HPRT1: variants seen among roughly 807,000 people sequenced by gnomAD.
HPRT1 encodes the protein hypoxanthine-guanine phosphoribosyltransferase.
In HPRT1, 4 loss-of-function variants were observed where a neutral mutation model predicts 19.0. That is an observed-to-expected ratio of 0.21 (90% CI 0.10 to 0.48). HPRT1 has a LOEUF of 0.48. Among genes scored for constraint, HPRT1 ranks in the 20% least tolerant of loss-of-function variants. The pLI, the probability that HPRT1 is intolerant of heterozygous loss-of-function variation, is 0.98. For synonymous variants in HPRT1, 53 were observed against 54.9 expected (o/e 0.97, Z 0.15); for missense variants, 65 against 164.0 (o/e 0.40, Z 3.30).
chrX:134,473,344 A>T lies in HPRT1; in HGVS notation c.28-15A>T. 3 of 939,298 alleles carry T rather than the reference A, an allele frequency of 3.2e-6. No homozygotes were observed. Among genetic ancestry groups the T allele is most frequent in the Non-Finnish European group, 4.6e-6 (3 of 646,960 alleles). The allele number at this position is 939,298 out of a possible 1,213,427, so 77.4% of individuals were successfully genotyped here. A position where few individuals can be genotyped will look rare whatever the true frequency, so the allele number is the denominator to read the frequency against. On this transcript the variant is annotated splice_polypyrimidine_tract_variant and intron_variant, in intron 1 of 8. Transcript: ENST00000298556. Reference sequence around the variant, plus strand: ...CTGTAATGCTCTCATTGAAACAGCTATATTTCTTTTTCAGATTAGTGATGA... The same window carrying T: ...CTGTAATGCTCTCATTGAAACAGCTTTATTTCTTTTTCAGATTAGTGATGA...
At chrX:134,478,752 G>A (rs977744372) in intron 3 of HPRT1, among the ~76,000 whole-genome samples, 6 of 111,831 alleles carry the variant, frequency 5.4e-5, no homozygotes, top group Admixed American at 2.9e-4. Flanking sequence ...ACACATATGC[G>A]TACTCTTAAT....
chrX:134,477,935 A>G (rs981845626), intron 3 of HPRT1, among the ~76,000 whole-genome samples: 17 of 111,760 alleles, frequency 1.5e-4, no homozygotes, highest in Admixed American at 5.7e-4. Flanking sequence ...CTCAGCCTCT[A>G]AAATTGCTGG....
intron 5 of HPRT1, among the ~76,000 whole-genome samples, chrX:134,492,024 TATATATATATACACACACACACAC>T (rs925615179): frequency 1.0e-5 from 1 of 98,298 alleles, no homozygotes; most frequent in Non-Finnish European, 2.0e-5. Context: ...TATATATACA[TATATATATATACACACACACACAC>T]ATATATATAT....
At chrX:134,497,315 C>T (rs924388261) in intron 6 of HPRT1, among the ~76,000 whole-genome samples, 17 of 109,691 alleles carry the variant, frequency 1.5e-4, no homozygotes, top group African/African-American at 5.7e-4. Flanking sequence ...GGCCACAGAG[C>T]GAGACTCATC....
intron 6 of HPRT1, 131 bp from the exon 7 acceptor site, chrX:134,498,259 G>A: frequency 1.8e-6 from 1 of 570,815 alleles, no homozygotes; most frequent in Admixed American, 2.4e-5. Context: ...GTCTTTCCTT[G>A]GGTGTGTTAA....
At chrX:134,463,977 C>T (rs888679137) in intron 1 of HPRT1, among the ~76,000 whole-genome samples, 15 of 111,863 alleles carry the variant, frequency 1.3e-4, no homozygotes, top group African/African-American at 4.2e-4. Context: ...CTACTGTCTT[C>T]AGCATTGTGC....
intron 1 of HPRT1, among the ~76,000 whole-genome samples, chrX:134,464,110 G>A (rs936658327): frequency 2.7e-5 from 3 of 111,567 alleles, no homozygotes; most frequent in Admixed American, 9.6e-5. Flanking sequence ...TACACATGTA[G>A]TAGTTATGAG....
At chrX:134,494,271 T>C (rs1403604392) in intron 6 of HPRT1, among the ~76,000 whole-genome samples, 1 of 112,348 alleles carries the variant, frequency 8.9e-6, no homozygotes, top group Admixed American at 9.5e-5. Context: ...CTTAAGTTTT[T>C]AATAGAGTGA....
At chrX:134,485,689 C>T (rs192998229) in intron 3 of HPRT1, among the ~76,000 whole-genome samples, 223 of 111,604 alleles carry the variant, frequency 2.0e-3, no homozygotes, top group South Asian at 6.7e-3. Context: ...GGTACTGCAC[C>T]GTTGTAATTG....
At chrX:134,485,667 A>C (rs2077650995) in intron 3 of HPRT1, among the ~76,000 whole-genome samples, 1 of 111,616 alleles carries the variant, frequency 9.0e-6, no homozygotes, top group Non-Finnish European at 1.9e-5. Context: ...TACTTTGTTC[A>C]TTTACTGTGC....
At chrX:134,471,811 G>A (rs1201074792) in intron 1 of HPRT1, among the ~76,000 whole-genome samples, 1 of 110,207 alleles carries the variant, frequency 9.1e-6, no homozygotes, top group Non-Finnish European at 1.9e-5. Flanking sequence ...GGCTAATTTT[G>A]TATTTTTAGT....
chrX:134,492,596 T>C, intron 5 of HPRT1: 1 of 323,694 alleles, frequency 3.1e-6, no homozygotes, highest in Non-Finnish European at 6.0e-6. Flanking sequence ...CTCCCAGATA[T>C]TTAAAGGCTC....
In HPRT1 at chrX:134,460,202, C is replaced by T. The variant is rs964334726; in HGVS notation, c.-110C>T. On this transcript the variant is annotated 5_prime_UTR_variant, in exon 1 of 9. Coordinates refer to ENST00000298556, the MANE Select transcript of HPRT1 (RefSeq NM_000194.3). ...CTGCGACGAGCCCTCAGGCGAACCT[C>T]TCGGCTTTCCCGCGCGGCGCCGCCT... 2.4e-5 allele frequency: 21 copies of T among 885,023 alleles called. No individual in the cohort carries two copies. The East Asian group carries it at 3.4e-4, about 14-fold the overall frequency. 72.9% of individuals were successfully genotyped at this position (885,023 alleles called of 1,213,427 possible). A position where few individuals can be genotyped will look rare whatever the true frequency, so the allele number is the denominator to read the frequency against.
intron 4 of HPRT1, 34 bp from the exon 5 acceptor site, chrX:134,490,154 A>G (rs1474064045): frequency 2.1e-6 from 2 of 956,322 alleles, no homozygotes; most frequent in Non-Finnish European, 3.0e-6. Flanking sequence ...CGTTTTATTC[A>G]TTGTACTGAT....
At chrX:134,483,407 A>G (rs1020389881) in intron 3 of HPRT1, among the ~76,000 whole-genome samples, 1 of 111,840 alleles carries the variant, frequency 8.9e-6, no homozygotes, top group African/African-American at 3.2e-5. Flanking sequence ...ACCTAGACTG[A>G]AGAGGTAGAC....
intron 3 of HPRT1, among the ~76,000 whole-genome samples, chrX:134,477,546 C>G (rs1334146497): frequency 2.7e-5 from 3 of 111,231 alleles, no homozygotes; most frequent in African/African-American, 9.8e-5. Flanking sequence ...GATGATGGCT[C>G]ATGCCTGTAA....
chrX:134,475,425 T>C (rs1465972626), intron 3 of HPRT1, 61 bp downstream of exon 3: 10 of 768,024 alleles, frequency 1.3e-5, no homozygotes, highest in Non-Finnish European at 1.8e-5. Context: ...TATATTTTCT[T>C]TGAATCTCTG....
chrX:134,477,063 ATTTAT>A (rs2077627606), intron 3 of HPRT1, among the ~76,000 whole-genome samples: 31 of 86,540 alleles, frequency 3.6e-4, no homozygotes, highest in African/African-American at 1.1e-3. Context: ...TATTTTATTT[ATTTAT>A]TTTTTTTTTT....
Position 134,500,025 on chromosome X carries a change from T to A in HPRT1, c.610-5T>A, listed in dbSNP as rs766713407. On this transcript the variant is annotated splice_region_variant and splice_polypyrimidine_tract_variant and intron_variant, in intron 8 of 8. Coordinates refer to ENST00000298556, the MANE Select transcript of HPRT1 (RefSeq NM_000194.3). ...AAATGTGAATTTCTGGATTTTTTTT[T>A]ATAGCATGTTTGTGTCATTAGTGAA... The A allele has an allele frequency of 1.7e-5, 19 of 1,132,428 alleles. No individual in the cohort carries two copies. Among genetic ancestry groups the A allele is most frequent in the Non-Finnish European group, 1.2e-5 (10 of 824,936 alleles). The allele number at this position is 1,132,428 out of a possible 1,213,427, so 93.3% of individuals were successfully genotyped here. A position where few individuals can be genotyped will look rare whatever the true frequency, so the allele number is the denominator to read the frequency against.
Sources: allele counts gnomAD v4.1 joint callset (sites outside exome capture counted in the v4.1 genomes callset), GRCh38; gene constraint gnomAD v4.1.1; transcripts MANE v1.5; gene names NCBI Gene and HGNC (gene_info 2026-07-23, HGNC 2026-07-21).